DRG1: variants seen among roughly 807,000 people sequenced by gnomAD.
DRG1 encodes developmentally-regulated GTP-binding protein 1.
In DRG1, 19 loss-of-function variants were observed where a neutral mutation model predicts 38.8. The observed-to-expected ratio is 0.49, with a 90% CI of 0.34 to 0.72. The LOEUF (loss-of-function observed/expected upper bound fraction) is 0.72. DRG1 is among the 30% of genes least tolerant of loss of function. The pLI is 0.01. For synonymous variants in DRG1, 167 were observed against 157.5 expected (o/e 1.06, Z -0.45); for missense variants, 299 against 444.8 (o/e 0.67, Z 2.95).
chr22:31,409,544 C>G (rs2050007427), intron 3 of DRG1, among the ~76,000 whole-genome samples: 1 of 152,114 alleles, frequency 6.6e-6, no homozygotes, highest in East Asian at 1.9e-4. Flanking sequence ...TCGGTTGTGC[C>G]TGCTTAAGAA....
At chr22:31,428,616 A>G (rs371947440) in intron 8 of DRG1, among the ~76,000 whole-genome samples, 3 of 152,232 alleles carry the variant, frequency 2.0e-5, no homozygotes, top group Admixed American at 6.5e-5. Flanking sequence ...GTTGTTAACT[A>G]TAGATCTTAT....
At chr22:31,419,940 G>A (rs2050066848) in intron 4 of DRG1, among the ~76,000 whole-genome samples, 1 of 152,160 alleles carries the variant, frequency 6.6e-6, no homozygotes, top group African/African-American at 2.4e-5. Flanking sequence ...CTACTGGGGT[G>A]GCTGAGGGAG....
chr22:31,413,152 C>T (rs1042742791), intron 4 of DRG1, among the ~76,000 whole-genome samples: 4 of 151,428 alleles, frequency 2.6e-5, no homozygotes, highest in Non-Finnish European at 5.9e-5. Context: ...TGGAGTGCAG[C>T]GGCCTGATTG....
At chr22:31,401,287 C>CA (rs770447979) in intron 2 of DRG1, among the ~76,000 whole-genome samples, 2,600 of 115,110 alleles carry the variant, frequency 0.023, 81 homozygotes, top group African/African-American at 0.075. Flanking sequence ...GAAGATGTAC[C>CA]AAAAAAAAAA....
At chr22:31,402,558 GAGT>G (rs2049969083) in intron 2 of DRG1, among the ~76,000 whole-genome samples, 1 of 147,578 alleles carries the variant, frequency 6.8e-6, no homozygotes, top group Non-Finnish European at 1.5e-5. Context: ...GCCCAGGCTG[GAGT>G]ACAGTGGTGT....
At chr22:31,410,501 A>C (rs2050012558) in intron 3 of DRG1, among the ~76,000 whole-genome samples, 1 of 151,860 alleles carries the variant, frequency 6.6e-6, no homozygotes, top group South Asian at 2.1e-4. Context: ...GGCATCTCCC[A>C]AAACTAACAG....
chr22:31,422,105 G>A (rs540772604), intron 5 of DRG1, among the ~76,000 whole-genome samples: 24 of 142,186 alleles, frequency 1.7e-4, no homozygotes, highest in Non-Finnish European at 3.1e-4. Context: ...GCGGGACTCC[G>A]TCTCAAAAAA....
chr22:31,420,311 A>G lies in DRG1; in HGVS notation c.468A>G (p.Gly156=). 1 of 1,614,128 alleles carries G rather than the reference A, an allele frequency of 6.2e-7. No homozygotes were observed. Among genetic ancestry groups the G allele is most frequent in the Non-Finnish European group, 8.5e-7 (1 of 1,180,036 alleles). ...TTCTGGATGTCCTGAAACCTTTGGG[A>G]CATAAGAAGATAATTGAAAATGAGC... The part of the protein sequence containing the change: ...LIVLDVLKPL[G]HKKIIENELE... The change falls in exon 5 of 9, where the codon GGA becomes GGG. Residue 156 remains glycine, a synonymous_variant. Coordinates refer to ENST00000331457, the MANE Select transcript of DRG1 (RefSeq NM_004147.4).
At chr22:31,431,232 C>T (rs1270108677) in intron 8 of DRG1, among the ~76,000 whole-genome samples, 1 of 151,904 alleles carries the variant, frequency 6.6e-6, no homozygotes, top group Non-Finnish European at 1.5e-5. Context: ...GACGGGGTTT[C>T]ACCATGTTAG....
intron 1 of DRG1, 119 bp downstream of exon 1, chr22:31,399,844 C>A: frequency 6.8e-7 from 1 of 1,461,100 alleles, no homozygotes; most frequent in Non-Finnish European, 9.5e-7. Context: ...CGACTTCTCT[C>A]AGCGAGGCCC....
intron 4 of DRG1, among the ~76,000 whole-genome samples, chr22:31,418,792 C>T (rs946023758): frequency 6.6e-6 from 1 of 152,182 alleles, no homozygotes; most frequent in Admixed American, 6.6e-5. Context: ...AGAGATTCTC[C>T]TGCCTCAGCC....
intron 8 of DRG1, among the ~76,000 whole-genome samples, chr22:31,428,880 C>T (rs952789524): frequency 6.6e-6 from 1 of 151,926 alleles, no homozygotes; most frequent in Admixed American, 6.6e-5. Flanking sequence ...GTAAGAATAC[C>T]ACAAAAATAA....
At chr22:31,433,687 G>C (rs1416229382) in intron 8 of DRG1, among the ~76,000 whole-genome samples, 185 bp from the exon 9 acceptor site, 1 of 152,166 alleles carries the variant, frequency 6.6e-6, no homozygotes, top group South Asian at 2.1e-4. Flanking sequence ...ACAACTTCCA[G>C]AAGTCTTTAC....
intron 8 of DRG1, among the ~76,000 whole-genome samples, chr22:31,428,864 T>C (rs2050124979): frequency 6.6e-6 from 1 of 152,186 alleles, no homozygotes; most frequent in African/African-American, 2.4e-5. Context: ...AGATTATGCA[T>C]TTTTGGTAAG....
intron 4 of DRG1, among the ~76,000 whole-genome samples, chr22:31,414,646 C>T (rs1387610109): frequency 6.6e-6 from 1 of 151,936 alleles, no homozygotes; most frequent in Non-Finnish European, 1.5e-5. Context: ...ATCTAGAGGC[C>T]AGCCACTCTT....
intron 6 of DRG1, among the ~76,000 whole-genome samples, chr22:31,426,252 G>A (rs2050109603): frequency 6.6e-6 from 1 of 152,086 alleles, no homozygotes. Flanking sequence ...GTATAGTACA[G>A]CTGACCCTCC....
In DRG1 at chr22:31,406,654, G is replaced by A. The variant is rs564768966; in HGVS notation, c.342+3450G>A. Among the ~76,000 whole-genome samples, 23 of 150,458 alleles carry A rather than the reference G, an allele frequency of 1.5e-4. No homozygotes were observed. The Middle Eastern group carries it at 9.6e-3, about 62-fold the overall frequency. On this transcript the variant is annotated intron_variant, in intron 3 of 8. Transcript: ENST00000331457. ...CGTGTTACTGCACTCCAGCCTGGGC[G>A]ACAGAATGAGACCCTGTCCCGGAAA...
chr22:31,432,647 C>T lies in DRG1; in HGVS notation c.1005-1225C>T, dbSNP rs182032295. 4.1e-4 allele frequency among the ~76,000 whole-genome samples: 63 copies of T among 151,976 alleles called. 2 individuals carry two copies. Among genetic ancestry groups the T allele is most frequent in the Admixed American group, 6.6e-5 (1 of 15,266 alleles). ...TTCACCATGTTGGCCAGGATGGTCT[C>T]GATCTCTTGACCTCATGATCCGCCC... is the stretch of plus-strand genomic sequence containing the variant. On this transcript the variant is annotated intron_variant, in intron 8 of 8. Coordinates refer to ENST00000331457, the MANE Select transcript of DRG1 (RefSeq NM_004147.4).
chr22:31,432,822 G>A lies in DRG1; in HGVS notation c.1005-1050G>A, dbSNP rs543675601. 7.9e-5 allele frequency among the ~76,000 whole-genome samples: 12 copies of A among 152,158 alleles called. No homozygotes were observed. The South Asian group carries it at 2.5e-3, about 32-fold the overall frequency. On this transcript the variant is annotated intron_variant, in intron 8 of 8. Coordinates refer to ENST00000331457, the MANE Select transcript of DRG1 (RefSeq NM_004147.4). Reference sequence around the variant, plus strand: ...GATCCGCCCGCCTCAGCCTCCCAAAGTGCTGGAATTAGAGGCATGAGCCAC... The same window carrying A: ...GATCCGCCCGCCTCAGCCTCCCAAAATGCTGGAATTAGAGGCATGAGCCAC...
Sources: gnomAD v4.1 joint callset for allele counts (sites outside exome capture counted in the v4.1 genomes callset) on GRCh38, gnomAD v4.1.1 for gene constraint, MANE v1.5 for transcripts, NCBI Gene and HGNC (gene_info 2026-07-23, HGNC 2026-07-21) for gene names.